AMER3: variants seen among roughly 807,000 people sequenced by gnomAD.
The protein encoded by AMER3 is APC membrane recruitment protein 3, also known as family with sequence similarity 123C.
For missense variants in AMER3, 1,201 were observed against 1,139.4 expected, an observed-to-expected ratio of 1.05 and a Z score of -0.78; for synonymous variants, 541 against 485.5, an observed-to-expected ratio of 1.11 and a Z score of -1.50.
At chr2:130,761,426 G>T (rs1678777638) in intron 1 of AMER3, among the ~76,000 whole-genome samples, 1 of 152,232 alleles carries the variant, frequency 6.6e-6, no homozygotes, top group African/African-American at 2.4e-5. Flanking sequence ...TGTGTCCCAT[G>T]CTCACCTCCC....
chr2:130,757,460 G>C (rs1678646926), intron 1 of AMER3, among the ~76,000 whole-genome samples: 1 of 152,106 alleles, frequency 6.6e-6, no homozygotes, highest in Non-Finnish European at 1.5e-5. Context: ...TGGAAGGTTG[G>C]CTCCCTGTGG....
rs765492754 is a variant in AMER3, at chr2:130,764,554, A to C, written c.2482A>C (p.Ser828Arg). ...NSQQEGGVSA[S>R]APECRCSLLA... ...CCAGCAGGAAGGGGGGGTCTCTGCAAGTGCCCCAGAATGCCGCTGCAGCCT... is the reference window on the plus strand; with the variant it reads ...CCAGCAGGAAGGGGGGGTCTCTGCACGTGCCCCAGAATGCCGCTGCAGCCT... The change falls in exon 2 of 2, where the codon AGT (serine) becomes CGT (arginine). Residue 828 changes from serine (S) to arginine (R), a missense_variant. By Grantham distance (110) the Ser-to-Arg change is moderately radical (BLOSUM62 -1). Coordinates refer to ENST00000321420, the MANE Select transcript of AMER3 (RefSeq NM_152698.3). 4 of 1,604,532 alleles carry C rather than the reference A, an allele frequency of 2.5e-6. No individual in the cohort carries two copies. In the South Asian group the frequency reaches 4.5e-5, roughly 18 times the overall value.
Position 130,758,139 on chromosome 2 carries a change from C to A in AMER3, c.-20+2465C>A, listed in dbSNP as rs371590035. Among the ~76,000 whole-genome samples, 370 of 149,058 alleles carry A rather than the reference C, an allele frequency of 2.5e-3. 1 individual carries two copies. The Middle Eastern group carries it at 0.028, about 11-fold the overall frequency. ...ACAGAGCGAGATTCCATCAAAAAAA[C>A]AAAACAAAACAAAAAACCCACCATC... On this transcript the variant is annotated intron_variant, in intron 1 of 1. Transcript: ENST00000321420.
Position 130,762,386 on chromosome 2 carries a change from CGGCTGCCACAGGGCA to C in AMER3, c.316_330del (p.Ala106_Gln110del). 6.2e-7 allele frequency: 1 copy of C among 1,610,936 alleles called. No individual in the cohort carries two copies. The highest frequency in any genetic ancestry group is 8.5e-7 in the Non-Finnish European group (1 of 1,179,452). On this transcript the variant is annotated inframe_deletion, in exon 2 of 2. Coordinates refer to ENST00000321420, the MANE Select transcript of AMER3 (RefSeq NM_152698.3). Reference sequence around the variant, plus strand: ...AGCATGTCTGGGGCAGGCAGGGCCACGGCTGCCACAGGGCAGCTGGTGGGCAGTGCAAGCTTCCCG... The same window carrying C: ...AGCATGTCTGGGGCAGGCAGGGCCACGCTGGTGGGCAGTGCAAGCTTCCCG...
intron 1 of AMER3, among the ~76,000 whole-genome samples, chr2:130,757,921 A>C (rs1202483827): frequency 1.3e-5 from 2 of 152,182 alleles, no homozygotes; most frequent in African/African-American, 4.8e-5. Context: ...TCACAAGGTC[A>C]AGAGATCAAG....
Position 130,767,353 on chromosome 2 carries a change from G to A in AMER3, c.*2695G>A, listed in dbSNP as rs1331558001. ...AGGAAAAGGGGTCAGTCAGGTCGCA[G>A]GCAAAGTGCTAGGGAAATCCCATCT... On this transcript the variant is annotated 3_prime_UTR_variant, in exon 2 of 2. Coordinates refer to ENST00000321420, the MANE Select transcript of AMER3 (RefSeq NM_152698.3). The A allele has an allele frequency of 7.8e-5, 13 of 167,186 alleles. No homozygotes were observed. In the Admixed American group the frequency reaches 8.5e-4, roughly 11 times the overall value. The allele number at this position is 167,186 out of a possible 1,614,324, so 10.4% of individuals were successfully genotyped here. A position where few individuals can be genotyped will look rare whatever the true frequency, so the allele number is the denominator to read the frequency against.
At position 130,762,946 on chromosome 2, in the gene AMER3, G is replaced by A; in HGVS notation, c.874G>A (p.Val292Met). Residue 292 changes from valine (V) to methionine (M), a missense_variant, in exon 2 of 2, where the codon GTG (valine) becomes ATG (methionine). By Grantham distance (21) the Val-to-Met change is conservative. Coordinates refer to ENST00000321420, the MANE Select transcript of AMER3 (RefSeq NM_152698.3). ...KVPRGPLQGSVEQLASPAQNE... is the reference protein window; with the variant it reads ...KVPRGPLQGSMEQLASPAQNE... ...TCCCAGGGGCCCTCTCCAGGGCAGT[G>A]TGGAGCAGCTGGCCTCGCCCGCCCA... 1.2e-6 allele frequency: 2 copies of A among 1,613,018 alleles called. No homozygotes were observed. Among genetic ancestry groups the A allele is most frequent in the Non-Finnish European group, 1.7e-6 (2 of 1,179,848 alleles).
chr2:130,762,102 C>T lies in AMER3; in HGVS notation c.30C>T (p.Ile10=), dbSNP rs1448391052. The part of the protein sequence containing the change: MELKRGKTF[I]KSSLQVSHEK... ...AGCTGAAGAGAGGAAAGACCTTCAT[C>T]AAGTCCAGCCTGCAGGTTTCCCACG... The change falls in exon 2 of 2, where the codon ATC becomes ATT. Residue 10 remains isoleucine, a synonymous_variant. Coordinates refer to ENST00000321420, the MANE Select transcript of AMER3 (RefSeq NM_152698.3). The T allele has an allele frequency of 6.2e-7, 1 of 1,611,232 alleles. No homozygotes were observed. Among genetic ancestry groups the T allele is most frequent in the Non-Finnish European group, 8.5e-7 (1 of 1,179,250 alleles).
chr2:130,762,086 G>C lies in AMER3; in HGVS notation c.14G>C (p.Arg5Thr), dbSNP rs147611031. 196 of 1,610,744 alleles carry C rather than the reference G, an allele frequency of 1.2e-4. 1 individual carries two copies. The highest frequency in any genetic ancestry group is 1.6e-4 in the Non-Finnish European group (193 of 1,179,146). ...GGCACTGGCAGCATGGAGCTGAAGA[G>C]AGGAAAGACCTTCATCAAGTCCAGC... is the stretch of plus-strand genomic sequence containing the variant. MELK[R>T]GKTFIKSSLQ... is the part of the protein sequence containing the mutation. Residue 5 changes from arginine (R) to threonine (T), a missense_variant, in exon 2 of 2, where the codon AGA becomes ACA. Arg to Thr is a moderately conservative substitution (Grantham distance 71, BLOSUM62 -1). Coordinates refer to ENST00000321420, the MANE Select transcript of AMER3 (RefSeq NM_152698.3).
rs374506642 is a variant in AMER3, at chr2:130,762,151, G to A, written c.79G>A (p.Val27Met). Reference sequence around the variant, plus strand: ...CGAGAAACCCCCAGACCCAGCAGCCGTGGCTGCAGCCAGGGAGGGGACAGG... The same window carrying A: ...CGAGAAACCCCCAGACCCAGCAGCCATGGCTGCAGCCAGGGAGGGGACAGG... Reference protein sequence around the residue: ...SHEKPPDPAAVAAAREGTGPW... With the variant: ...SHEKPPDPAAMAAAREGTGPW... The change falls in exon 2 of 2, where the codon GTG (valine) becomes ATG (methionine). Residue 27 changes from valine (V) to methionine (M), a missense_variant. Transcript: ENST00000321420. 2.6e-5 allele frequency: 42 copies of A among 1,608,410 alleles called. No homozygotes were observed. The highest frequency in any genetic ancestry group is 5.1e-5 in the Admixed American group (3 of 59,320).
rs1381800397 is a variant in AMER3 at position 130,762,304 on chromosome 2, C to T, written c.232C>T (p.Pro78Ser). The change falls in exon 2 of 2, where the codon CCC becomes TCC. Residue 78 changes from proline to serine, a missense_variant. Physicochemically the swap from Pro to Ser is moderately conservative, Grantham distance 74. Transcript: ENST00000321420. ...KGAQLDPKGG[P>S]AALCGATFKP... Reference sequence around the variant, plus strand: ...GGCGCAGCTGGACCCCAAAGGGGGACCCGCAGCCCTCTGTGGAGCCACCTT... The same window carrying T: ...GGCGCAGCTGGACCCCAAAGGGGGATCCGCAGCCCTCTGTGGAGCCACCTT... 6.2e-7 allele frequency: 1 copy of T among 1,601,546 alleles called. No homozygotes were observed. Among genetic ancestry groups the T allele is most frequent in the South Asian group, 1.1e-5 (1 of 89,318 alleles).
At chr2:130,756,949 C>T (rs1414634964) in intron 1 of AMER3, among the ~76,000 whole-genome samples, 1 of 152,194 alleles carries the variant, frequency 6.6e-6, no homozygotes, top group African/African-American at 2.4e-5. Flanking sequence ...CCAGAGGTCC[C>T]TGGGCCTGCG....
In AMER3 at chr2:130,764,513, G is replaced by A. The variant is rs1195384370; in HGVS notation, c.2441G>A (p.Gly814Asp). The A allele has an allele frequency of 1.2e-6, 2 of 1,602,382 alleles. No individual in the cohort carries two copies. The highest frequency in any genetic ancestry group is 2.7e-5 in the African/African-American group (2 of 74,766). The stretch of plus-strand genomic sequence containing the variant: ...CAGGGCCACCATCCAGAAAGCCTGG[G>A]CCTCACTTTGAACAGCCAGCAGGAA... ...SSQGHHPESL[G>D]LTLNSQQEGG... The change falls in exon 2 of 2, where the codon GGC becomes GAC. Residue 814 changes from glycine (G) to aspartate (D), a missense_variant. Physicochemically the swap from Gly to Asp is moderately conservative, Grantham distance 94. Coordinates refer to ENST00000321420, the MANE Select transcript of AMER3 (RefSeq NM_152698.3).
At chr2:130,756,849 G>T (rs1230832945) in intron 1 of AMER3, among the ~76,000 whole-genome samples, 1 of 110,436 alleles carries the variant, frequency 9.1e-6, no homozygotes, top group African/African-American at 3.5e-5. Flanking sequence ...CTTTCCCTCC[G>T]CACAGTGGCC....
Position 130,764,146 on chromosome 2 carries a change from C to A in AMER3, c.2074C>A (p.Pro692Thr). The change falls in exon 2 of 2, where the codon CCG (proline) becomes ACG (threonine). Residue 692 changes from proline to threonine, a missense_variant. By Grantham distance (38) the Pro-to-Thr change is conservative. Coordinates refer to ENST00000321420, the MANE Select transcript of AMER3 (RefSeq NM_152698.3). ...ALKISSNEQP[P>T]AAWPPRQDMG... The stretch of plus-strand genomic sequence containing the variant: ...GAAGATCAGCTCAAACGAACAGCCC[C>A]CGGCCGCATGGCCTCCAAGGCAAGA... 1 of 1,610,652 alleles carries A rather than the reference C, an allele frequency of 6.2e-7. No individual in the cohort carries two copies. Among genetic ancestry groups the A allele is most frequent in the Non-Finnish European group, 8.5e-7 (1 of 1,178,484 alleles).
chr2:130,757,960 G>T (rs1398906406), intron 1 of AMER3, among the ~76,000 whole-genome samples: 1 of 152,058 alleles, frequency 6.6e-6, no homozygotes, highest in Non-Finnish European at 1.5e-5. Flanking sequence ...GTGAAACCCC[G>T]TCTCTACTAA....
At position 130,762,163 on chromosome 2, in the gene AMER3, A is replaced by C. The variant is rs1018048222; in HGVS notation, c.91A>C (p.Arg31=). 5 of 1,606,140 alleles carry C rather than the reference A, an allele frequency of 3.1e-6. No homozygotes were observed. The highest frequency in any genetic ancestry group is 3.4e-6 in the Non-Finnish European group (4 of 1,176,534). The change falls in exon 2 of 2, where the codon AGG becomes CGG. Residue 31 remains arginine, a synonymous_variant. Coordinates refer to ENST00000321420, the MANE Select transcript of AMER3 (RefSeq NM_152698.3). The stretch of plus-strand genomic sequence containing the variant: ...AGACCCAGCAGCCGTGGCTGCAGCC[A>C]GGGAGGGGACAGGCCCCTGGTCAGT... ...PPDPAAVAAA[R]EGTGPWSVLP...
rs2625046 is a variant in AMER3 at position 130,761,683 on chromosome 2, G to A, written c.-19-371G>A. ...GGCCACTGCCCTAATTGGATCCTCC[G>A]CCCATCCACTCAGAAGGGCCATGAC... On this transcript the variant is annotated intron_variant, in intron 1 of 1. Transcript: ENST00000321420. Among the ~76,000 whole-genome samples, 245 of 152,272 alleles carry A rather than the reference G, an allele frequency of 1.6e-3. 2 individuals are homozygous for A. Among genetic ancestry groups the A allele is most frequent in the African/African-American group, 5.6e-3 (233 of 41,546 alleles).
Position 130,758,121 on chromosome 2 carries a change from G to A in AMER3, c.-20+2447G>A, listed in dbSNP as rs143257503. On this transcript the variant is annotated intron_variant, in intron 1 of 1. Coordinates refer to ENST00000321420, the MANE Select transcript of AMER3 (RefSeq NM_152698.3). The stretch of plus-strand genomic sequence containing the variant: ...TGCACTCCAGCCTGGGCGACAGAGC[G>A]AGATTCCATCAAAAAAACAAAACAA... 6.1e-3 allele frequency among the ~76,000 whole-genome samples: 924 copies of A among 151,730 alleles called. 2 individuals carry two copies. The highest frequency in any genetic ancestry group is 7.5e-3 in the Non-Finnish European group (508 of 67,968).
Sources: allele counts gnomAD v4.1 joint callset (sites outside exome capture counted in the v4.1 genomes callset), GRCh38; gene constraint gnomAD v4.1.1; transcripts MANE v1.5; gene names NCBI Gene and HGNC (gene_info 2026-07-23, HGNC 2026-07-21).